The following KCND2 variants were observed in gnomAD, a reference collection of about 807,000 sequenced individuals.
KCND2 encodes the protein A-type voltage-gated potassium channel KCND2.
KCND2 carries 16 observed loss-of-function variants against 54.4 expected under a neutral mutation model. The ratio of observed to expected loss-of-function variants is 0.29; its 90% CI spans 0.20 to 0.45. KCND2 has a LOEUF of 0.45. Ranked by LOEUF, KCND2 falls within the 20% of genes least tolerant of loss-of-function variation. The pLI, the probability that KCND2 is intolerant of heterozygous loss-of-function variation, is 1.00. For missense variants in KCND2, 486 were observed against 824.2 expected, an observed-to-expected ratio of 0.59 and a Z score of 5.02; for synonymous variants, 317 against 310.7, an observed-to-expected ratio of 1.02 and a Z score of -0.21.
intron 1 of KCND2, among the ~76,000 whole-genome samples, chr7:120,332,680 C>T (rs1035663896): frequency 3.3e-5 from 5 of 152,000 alleles, no homozygotes; most frequent in Admixed American, 6.6e-5. Context: ...GAAACCTGCT[C>T]TAGAGGACCA....
At chr7:120,426,584 C>CTTTTTTTTTTTTT (rs1563042450) in intron 1 of KCND2, among the ~76,000 whole-genome samples, 1 of 123,752 alleles carries the variant, frequency 8.1e-6, no homozygotes, top group African/African-American at 3.1e-5. Context: ...TGGGGTTTTT[C>CTTTTTTTTTTTTT]TTTGTTTTTT....
In KCND2 at chr7:120,630,521, AT is replaced by A. The variant is rs577841142; in HGVS notation, c.1116-102376del. 3.6e-3 allele frequency among the ~76,000 whole-genome samples: 547 copies of A among 152,246 alleles called. 1 individual carries two copies. The highest frequency in any genetic ancestry group is 0.011 in the African/African-American group (459 of 41,546). On this transcript the variant is annotated intron_variant, in intron 1 of 5. Transcript: ENST00000331113. ...GAAACTGTTATACCAAAATGTTCGG[AT>A]TTTTTATATTTCATAACAGCTTATT...
In KCND2 at chr7:120,749,113, G is replaced by A. The variant is rs1039850483; in HGVS notation, c.*1255G>A. On this transcript the variant is annotated 3_prime_UTR_variant, in exon 6 of 6. Transcript: ENST00000331113. Reference sequence around the variant, plus strand: ...CAATCATCTCAGAATCTTACTTGATGCATTATTTATTTTGCTTTAGATCTT... The same window carrying A: ...CAATCATCTCAGAATCTTACTTGATACATTATTTATTTTGCTTTAGATCTT... The A allele has an allele frequency of 1.3e-5, 2 of 151,922 alleles. No homozygotes were observed. The highest frequency in any genetic ancestry group is 6.6e-5 in the Admixed American group (1 of 15,232). 9.4% of individuals were successfully genotyped at this position (151,922 alleles called of 1,614,324 possible). A position where few individuals can be genotyped will look rare whatever the true frequency, so the allele number is the denominator to read the frequency against.
chr7:120,428,688 C>G (rs969238919), intron 1 of KCND2, among the ~76,000 whole-genome samples: 4 of 151,976 alleles, frequency 2.6e-5, no homozygotes, highest in African/African-American at 7.3e-5. Flanking sequence ...AACTTTGGCT[C>G]TAGGAGGAAG....
chr7:120,742,451 G>A (rs768833720), intron 3 of KCND2, 59 bp from the exon 4 acceptor site: 7 of 1,320,316 alleles, frequency 5.3e-6, no homozygotes, highest in African/African-American at 1.5e-5. Context: ...ATATGTAGCC[G>A]AGGTTCGAGT....
chr7:120,441,694 C>G (rs986904733), intron 1 of KCND2, among the ~76,000 whole-genome samples: 1 of 152,006 alleles, frequency 6.6e-6, no homozygotes, highest in African/African-American at 2.4e-5. Flanking sequence ...AGACAACTAA[C>G]TAATTGCTGA....
chr7:120,520,164 T>A (rs994576777), intron 1 of KCND2, among the ~76,000 whole-genome samples: 1 of 152,120 alleles, frequency 6.6e-6, no homozygotes, highest in African/African-American at 2.4e-5. Context: ...AGCACTTGTT[T>A]ACATGATATT....
At chr7:120,369,109 G>A (rs1434033965) in intron 1 of KCND2, among the ~76,000 whole-genome samples, 1 of 151,798 alleles carries the variant, frequency 6.6e-6, no homozygotes, top group Non-Finnish European at 1.5e-5. Context: ...GAGTTTGAAA[G>A]TTAACAATTT....
intron 1 of KCND2, among the ~76,000 whole-genome samples, chr7:120,580,138 CA>C (rs1406653996): frequency 6.6e-6 from 1 of 152,216 alleles, no homozygotes; most frequent in East Asian, 1.9e-4. Context: ...ATTTATGTAT[CA>C]GCACAGCATA....
At chr7:120,390,957 T>C (rs1801066506) in intron 1 of KCND2, among the ~76,000 whole-genome samples, 1 of 152,082 alleles carries the variant, frequency 6.6e-6, no homozygotes, top group South Asian at 2.1e-4. Context: ...TGGGGCAGGT[T>C]AGTTACATAG....
At chr7:120,530,902 C>G (rs1046419071) in intron 1 of KCND2, among the ~76,000 whole-genome samples, 2 of 152,062 alleles carry the variant, frequency 1.3e-5, no homozygotes, top group Non-Finnish European at 2.9e-5. Context: ...TTACATCGCT[C>G]AGGTTACACG....
At chr7:120,587,227 C>G (rs1359009991) in intron 1 of KCND2, among the ~76,000 whole-genome samples, 1 of 152,088 alleles carries the variant, frequency 6.6e-6, no homozygotes, top group African/African-American at 2.4e-5. Context: ...TTTCCCTAAT[C>G]CAAGACTTCT....
At chr7:120,307,059 C>T (rs931554887) in intron 1 of KCND2, among the ~76,000 whole-genome samples, 18 of 151,966 alleles carry the variant, frequency 1.2e-4, no homozygotes, top group South Asian at 1.0e-3. Flanking sequence ...TTTATTCATA[C>T]GTTTGCTTTT....
intron 1 of KCND2, among the ~76,000 whole-genome samples, chr7:120,555,769 A>G (rs993139519): frequency 1.2e-4 from 18 of 152,350 alleles, no homozygotes; most frequent in African/African-American, 3.8e-4. Flanking sequence ...TGAGCTGCTC[A>G]ATATCCCTGA....
At chr7:120,337,814 T>C (rs1469808644) in intron 1 of KCND2, among the ~76,000 whole-genome samples, 2 of 152,176 alleles carry the variant, frequency 1.3e-5, no homozygotes, top group East Asian at 3.8e-4. Context: ...CTTTATATAT[T>C]TTCTGACATT....
intron 1 of KCND2, among the ~76,000 whole-genome samples, chr7:120,330,581 CA>C (rs3067024): frequency 0.014 from 698 of 48,304 alleles, 2 homozygotes; most frequent in African/African-American, 0.064. Context: ...AACTCTGTCT[CA>C]AAAAAAAAAA....
chr7:120,306,057 A>C (rs1332034353), intron 1 of KCND2, among the ~76,000 whole-genome samples: 1 of 152,132 alleles, frequency 6.6e-6, no homozygotes, highest in Non-Finnish European at 1.5e-5. Context: ...GCTAGCATAG[A>C]GTGGACATAC....
rs200085129 is a variant in KCND2, at chr7:120,274,994, T to C, written c.362T>C (p.Phe121Ser). 1.2e-6 allele frequency: 2 copies of C among 1,614,054 alleles called. No homozygotes were observed. Among genetic ancestry groups the C allele is most frequent in the Admixed American group, 3.3e-5 (2 of 60,020 alleles). The change falls in exon 1 of 6, where the codon TTC becomes TCC. Residue 121 changes from phenylalanine (F) to serine (S), a missense_variant. Transcript: ENST00000331113. ...CISAYDEELA[F>S]FGLIPEIIGD... The stretch of plus-strand genomic sequence containing the variant: ...TCTGCTTACGATGAAGAACTGGCCT[T>C]CTTTGGCCTCATCCCGGAAATCATC...
At chr7:120,483,918 G>A (rs912668730) in intron 1 of KCND2, among the ~76,000 whole-genome samples, 2 of 152,138 alleles carry the variant, frequency 1.3e-5, no homozygotes, top group African/African-American at 4.8e-5. Flanking sequence ...AGAAGAATCT[G>A]GAGAAGATTG....
Sources: allele counts gnomAD v4.1 joint callset (sites outside exome capture counted in the v4.1 genomes callset), GRCh38; gene constraint gnomAD v4.1.1; transcripts MANE v1.5; gene names NCBI Gene and HGNC (gene_info 2026-07-23, HGNC 2026-07-21).